GRIN2B: variants seen among roughly 807,000 people sequenced by gnomAD.
The protein encoded by GRIN2B is glutamate ionotropic receptor NMDA type subunit 2B.
GRIN2B carries 5 observed loss-of-function variants against 114.5 expected under a neutral mutation model. The ratio of observed to expected loss-of-function variants is 0.04; its 90% confidence interval spans 0.02 to 0.09. The LOEUF is 0.09. GRIN2B is among the 10% of genes least tolerant of loss of function. GRIN2B has a pLI of 1.00. For missense variants in GRIN2B, 1,108 were observed against 1,943.5 expected (o/e 0.57, Z 8.08); for synonymous variants, 787 against 745.1 (o/e 1.06, Z -0.92).
At chr12:13,700,285 C>T (rs979032658) in intron 4 of GRIN2B, among the ~76,000 whole-genome samples, 4 of 152,238 alleles carry the variant, frequency 2.6e-5, no homozygotes, top group South Asian at 2.1e-4. Context: ...TATGTAATTT[C>T]GCTAACTGTG....
At chr12:13,608,488 TAAG>T (rs1166164271) in intron 10 of GRIN2B, 112 bp downstream of exon 10, 5 of 751,066 alleles carry the variant, frequency 6.7e-6, no homozygotes, top group Admixed American at 6.0e-5. Flanking sequence ...CAAGAAAACA[TAAG>T]AAAGAACGGT....
chr12:13,757,377 T>C (rs888742154), intron 3 of GRIN2B, among the ~76,000 whole-genome samples: 7 of 152,140 alleles, frequency 4.6e-5, no homozygotes, highest in Non-Finnish European at 1.0e-4. Flanking sequence ...TTGCAAATTA[T>C]GGCCATAGCC....
At chr12:13,934,791 A>G (rs1467178949) in intron 2 of GRIN2B, among the ~76,000 whole-genome samples, 1 of 151,836 alleles carries the variant, frequency 6.6e-6, no homozygotes, top group Non-Finnish European at 1.5e-5. Flanking sequence ...CCAACACTCT[A>G]TATGGAAAGC....
intron 3 of GRIN2B, among the ~76,000 whole-genome samples, chr12:13,772,175 G>C (rs56208038): frequency 6.6e-6 from 1 of 152,152 alleles, no homozygotes; most frequent in South Asian, 2.1e-4. Context: ...GCTATCACCC[G>C]GTCTCAGATG....
rs558039343 is a variant in GRIN2B at position 13,799,615 on chromosome 12, T to G, written c.412-45700A>C. 2.0e-5 allele frequency among the ~76,000 whole-genome samples: 3 copies of G among 152,186 alleles called. No homozygotes were observed. The East Asian group carries it at 5.8e-4, about 29-fold the overall frequency. On this transcript the variant is annotated intron_variant, in intron 3 of 13. Transcript: ENST00000609686. ...ATTAACAAGAAGGTTATATTTAAAC[T>G]TCCAAGAGGCACTGCTGTGCCATTA...
At chr12:13,783,739 G>A (rs952936827) in intron 3 of GRIN2B, among the ~76,000 whole-genome samples, 1 of 152,136 alleles carries the variant, frequency 6.6e-6, no homozygotes, top group African/African-American at 2.4e-5. Flanking sequence ...GAGGAAAAGA[G>A]TGTGATGAAA....
intron 2 of GRIN2B, among the ~76,000 whole-genome samples, chr12:13,911,822 G>A (rs1009581081): frequency 1.3e-5 from 2 of 152,096 alleles, no homozygotes; most frequent in African/African-American, 4.8e-5. Flanking sequence ...TTCATTCTCT[G>A]CCTTCTCTGT....
At chr12:13,598,461 C>T (rs982383896) in intron 10 of GRIN2B, among the ~76,000 whole-genome samples, 2 of 152,188 alleles carry the variant, frequency 1.3e-5, no homozygotes, top group African/African-American at 2.4e-5. Context: ...CTCACCAAGA[C>T]CTGTCACCTT....
chr12:13,571,795 A>C lies in GRIN2B; in HGVS notation c.2171+9T>G. On this transcript the variant is annotated intron_variant, in intron 11 of 13. Coordinates refer to ENST00000609686, the MANE Select transcript of GRIN2B (RefSeq NM_000834.5). ...GATCAAGGACTCTGAGCTTGGAAGC[A>C]GTTCTTACCCTGTTTTCAGGGAGAG... 1 of 1,614,080 alleles carries C rather than the reference A, an allele frequency of 6.2e-7. No individual in the cohort carries two copies.
At chr12:13,933,003 GTGTT>G (rs1565591666) in intron 2 of GRIN2B, among the ~76,000 whole-genome samples, 1 of 151,878 alleles carries the variant, frequency 6.6e-6, no homozygotes, top group Non-Finnish European at 1.5e-5. Flanking sequence ...GCGTGTGTGT[GTGTT>G]TGTGTGAATG....
At chr12:13,900,317 T>C (rs115375921) in intron 2 of GRIN2B, among the ~76,000 whole-genome samples, 2,917 of 151,248 alleles carry the variant, frequency 0.019, 86 homozygotes, top group African/African-American at 0.067. Flanking sequence ...CGACTGAAAA[T>C]ACAAAAAATT....
chr12:13,749,700 A>C (rs1863448001), intron 4 of GRIN2B, among the ~76,000 whole-genome samples: 1 of 152,154 alleles, frequency 6.6e-6, no homozygotes, highest in Admixed American at 6.5e-5. Context: ...AGAGCAGGGT[A>C]AGTAGGAGGA....
chr12:13,853,322 GAATA>G (rs1316380485), intron 3 of GRIN2B, among the ~76,000 whole-genome samples: 2 of 152,174 alleles, frequency 1.3e-5, no homozygotes, highest in African/African-American at 4.8e-5. Context: ...GATATTTTGT[GAATA>G]AATAACTGAG....
intron 10 of GRIN2B, among the ~76,000 whole-genome samples, chr12:13,587,507 A>G (rs1948945509): frequency 1.3e-5 from 2 of 151,726 alleles, no homozygotes; most frequent in South Asian, 4.2e-4. Context: ...GGTGCTTTCC[A>G]CCATGCCCAG....
intron 5 of GRIN2B, among the ~76,000 whole-genome samples, chr12:13,628,279 T>C (rs1401100379): frequency 1.3e-5 from 2 of 152,120 alleles, no homozygotes; most frequent in Non-Finnish European, 2.9e-5. Flanking sequence ...AGCGCCACCA[T>C]GCAGAAGGCA....
intron 3 of GRIN2B, among the ~76,000 whole-genome samples, chr12:13,757,376 A>G (rs112296710): frequency 6.6e-6 from 1 of 152,162 alleles, no homozygotes. Flanking sequence ...TTTGCAAATT[A>G]TGGCCATAGC....
chr12:13,727,461 T>C (rs1286452296), intron 4 of GRIN2B, among the ~76,000 whole-genome samples: 1 of 152,212 alleles, frequency 6.6e-6, no homozygotes, highest in Non-Finnish European at 1.5e-5. Flanking sequence ...TTACACCTGG[T>C]CATTTGGGGC....
At chr12:13,620,866 ATT>A (rs55658314) in intron 5 of GRIN2B, among the ~76,000 whole-genome samples, 6 of 145,156 alleles carry the variant, frequency 4.1e-5, no homozygotes, top group South Asian at 2.2e-4. Flanking sequence ...TAAAGTCGTT[ATT>A]TTTTTTTTTC....
chr12:13,658,503 C>T (rs1025273254), intron 5 of GRIN2B, among the ~76,000 whole-genome samples: 5 of 151,482 alleles, frequency 3.3e-5, no homozygotes, highest in Non-Finnish European at 5.9e-5. Context: ...TTTAAGACCA[C>T]GGTTTAAGGT....
Sources: allele counts gnomAD v4.1 joint callset (sites outside exome capture counted in the v4.1 genomes callset), GRCh38; gene constraint gnomAD v4.1.1; transcripts MANE v1.5; gene names NCBI Gene and HGNC (gene_info 2026-07-23, HGNC 2026-07-21).